The following NUP155 variants were observed in gnomAD, a reference collection of about 807,000 sequenced individuals.
NUP155 encodes nuclear pore complex protein Nup155.
NUP155 carries 71 observed loss-of-function variants against 180.4 expected under a neutral mutation model. The ratio of observed to expected loss-of-function variants is 0.39; its 90% CI spans 0.33 to 0.48. The LOEUF (loss-of-function observed/expected upper bound fraction) is 0.48. Among genes scored for constraint, NUP155 ranks in the 20% least tolerant of loss-of-function variants. The pLI, the probability that NUP155 is intolerant of heterozygous loss-of-function variation, is 0.91. For missense variants in NUP155, 1,553 were observed against 1,648.9 expected (o/e 0.94, Z 1.01); for synonymous variants, 582 against 559.5 (o/e 1.04, Z -0.57).
At chr5:37,304,643 T>G (rs1323175563) in intron 27 of NUP155, 96 bp downstream of exon 27, 2 of 876,428 alleles carry the variant, frequency 2.3e-6, no homozygotes, top group Non-Finnish European at 3.8e-6. Context: ...AGGCATGGGA[T>G]GAGAAACTGA....
chr5:37,340,139 T>C (rs944293808), intron 11 of NUP155, among the ~76,000 whole-genome samples: 1 of 152,038 alleles, frequency 6.6e-6, no homozygotes, highest in East Asian at 1.9e-4. Context: ...AGAGCCAAAA[T>C]CATCTTTTAA....
At position 37,309,585 on chromosome 5, in the gene NUP155, A is replaced by T. The variant is rs576802726; in HGVS notation, c.2629-318T>A. The T allele has an allele frequency of 5.2e-5, 13 of 250,050 alleles. No homozygotes were observed. In the East Asian group the frequency reaches 1.1e-3, roughly 22 times the overall value. The allele number at this position is 250,050 out of a possible 1,614,324, so 15.5% of individuals were successfully genotyped here. On this transcript the variant is annotated intron_variant, in intron 23 of 34. Transcript: ENST00000231498. The stretch of plus-strand genomic sequence containing the variant: ...TTATTTTTTCCACCTGTAGGAAAGG[A>T]TCAATAAAAATGCCCCCATTAACTC...
intron 25 of NUP155, among the ~76,000 whole-genome samples, chr5:37,306,792 CT>C (rs997679238): frequency 3.3e-5 from 5 of 151,190 alleles, no homozygotes; most frequent in African/African-American, 1.2e-4. Context: ...CACACATTTC[CT>C]TTTTAACAGT....
intron 33 of NUP155, among the ~76,000 whole-genome samples, chr5:37,294,026 A>AAAT (rs1742384002): frequency 1.3e-5 from 1 of 76,068 alleles, no homozygotes; most frequent in Non-Finnish European, 2.1e-5. Flanking sequence ...AAAAAAAAAA[A>AAAT]AATAAAGCAA....
At chr5:37,321,309 G>C (rs751058947) in intron 20 of NUP155, among the ~76,000 whole-genome samples, 2 of 152,174 alleles carry the variant, frequency 1.3e-5, no homozygotes, top group Non-Finnish European at 2.9e-5. Context: ...TTGCACCACT[G>C]CATTGCAGCC....
intron 11 of NUP155, among the ~76,000 whole-genome samples, chr5:37,338,545 T>A (rs1430740743): frequency 1.3e-5 from 2 of 151,696 alleles, no homozygotes; most frequent in Non-Finnish European, 2.9e-5. Flanking sequence ...TAGCTGGGAC[T>A]ACGGCACCTG....
intron 5 of NUP155, among the ~76,000 whole-genome samples, 185 bp downstream of exon 5, chr5:37,352,552 A>C (rs1746535919): frequency 6.6e-6 from 1 of 152,132 alleles, no homozygotes; most frequent in South Asian, 2.1e-4. Context: ...AAACAAAACA[A>C]AACAAAACAA....
intron 9 of NUP155, among the ~76,000 whole-genome samples, chr5:37,343,582 C>T (rs1745883122): frequency 6.6e-6 from 1 of 152,062 alleles, no homozygotes; most frequent in African/African-American, 2.4e-5. Flanking sequence ...GTCAAAGTAT[C>T]ATTACTGCTA....
At chr5:37,339,966 T>C (rs217785) in intron 11 of NUP155, among the ~76,000 whole-genome samples, 4,367 of 152,264 alleles carry the variant, frequency 0.029, 222 homozygotes, top group African/African-American at 0.099. Flanking sequence ...TTCGCCATGT[T>C]GGCCAGGCTG....
Position 37,290,478 on chromosome 5 carries a change from C to CA in NUP155, c.*1421dup, listed in dbSNP as rs35405189. 0.061 allele frequency: 7,595 copies of CA among 124,222 alleles called. 249 individuals carry two copies. Among genetic ancestry groups the CA allele is most frequent in the African/African-American group, 0.11 (3,768 of 34,956 alleles). The allele number at this position is 124,222 out of a possible 1,614,324, so 7.7% of individuals were successfully genotyped here. A position where few individuals can be genotyped will look rare whatever the true frequency, so the allele number is the denominator to read the frequency against. ...GGGCTACAGGGTGAGATTCTGTCTC[C>CA]AAAAAAAAAAAAAAGAGAGAAAGGA... On this transcript the variant is annotated 3_prime_UTR_variant, in exon 35 of 35. Transcript: ENST00000231498.
In NUP155 at chr5:37,352,738, T is replaced by C. The variant is rs751841247; in HGVS notation, c.555A>G (p.Thr185=). The C allele has an allele frequency of 6.2e-7, 1 of 1,608,818 alleles. No homozygotes were observed. Among genetic ancestry groups the C allele is most frequent in the Non-Finnish European group, 8.5e-7 (1 of 1,175,296 alleles). ...ILGLSYANLQ[T]GSGVLNDSLS... ...ACGTTAACATGTGGGTTGCCATACC[T>C]GTTTGCAAATTAGCATAGCTGAGTC... Residue 185 remains threonine, a splice_region_variant and synonymous_variant, in exon 5 of 35, where the codon ACA becomes ACG. Coordinates refer to ENST00000231498, the MANE Select transcript of NUP155 (RefSeq NM_153485.3).
At chr5:37,328,021 G>A (rs1744716711) in intron 17 of NUP155, among the ~76,000 whole-genome samples, 1 of 152,146 alleles carries the variant, frequency 6.6e-6, no homozygotes, top group African/African-American at 2.4e-5. Flanking sequence ...CTCCCAGATA[G>A]ACTTGCAAGT....
chr5:37,293,971 A>C lies in NUP155; in HGVS notation c.3930+358T>G, dbSNP rs1742369931. ...CCGAGATTGCGCCACTGCAGTCCGCAGTCCGGCCTGGGCAACAGAGCGAGA... is the reference window on the plus strand; with the variant it reads ...CCGAGATTGCGCCACTGCAGTCCGCCGTCCGGCCTGGGCAACAGAGCGAGA... On this transcript the variant is annotated intron_variant, in intron 33 of 34. Coordinates refer to ENST00000231498, the MANE Select transcript of NUP155 (RefSeq NM_153485.3). 3.1e-5 allele frequency among the ~76,000 whole-genome samples: 4 copies of C among 128,840 alleles called. 2 individuals are homozygous for C. Among genetic ancestry groups the C allele is most frequent in the African/African-American group, 1.3e-4 (4 of 29,940 alleles). The allele number at this position is 128,840 out of a possible 152,430, so 84.5% of individuals were successfully genotyped here.
chr5:37,349,346 G>C (rs918900546), intron 7 of NUP155, 101 bp from the exon 8 acceptor site: 2 of 410,248 alleles, frequency 4.9e-6, no homozygotes, highest in South Asian at 3.0e-5. Context: ...TCAGAACTTT[G>C]TATTCAGGGG....
chr5:37,344,578 T>C (rs1353239751), intron 9 of NUP155, among the ~76,000 whole-genome samples: 1 of 150,364 alleles, frequency 6.7e-6, no homozygotes, highest in Non-Finnish European at 1.5e-5. Context: ...CTGATATAAC[T>C]GGAGAAAAAT....
chr5:37,319,015 C>T (rs926773527), intron 20 of NUP155, among the ~76,000 whole-genome samples: 1 of 152,108 alleles, frequency 6.6e-6, no homozygotes, highest in Non-Finnish European at 1.5e-5. Flanking sequence ...GCAATAAAAA[C>T]GAACAAAGCA....
chr5:37,316,211 A>G (rs1743874052), intron 21 of NUP155, among the ~76,000 whole-genome samples: 1 of 152,228 alleles, frequency 6.6e-6, no homozygotes, highest in Non-Finnish European at 1.5e-5. Flanking sequence ...ATGTGCACAT[A>G]TGCACATATA....
intron 3 of NUP155, among the ~76,000 whole-genome samples, chr5:37,361,511 C>T (rs777112495): frequency 2.0e-5 from 3 of 152,224 alleles, no homozygotes; most frequent in South Asian, 2.1e-4. Context: ...GCAACTTATG[C>T]GGACTAGGAT....
At position 37,298,900 on chromosome 5, in the gene NUP155, A is replaced by G; in HGVS notation, c.3761T>C (p.Ile1254Thr). The change falls in exon 32 of 35, where the codon ATT becomes ACT. Residue 1254 changes from isoleucine to threonine, a missense_variant. Ile to Thr is a moderately conservative substitution (Grantham distance 89, BLOSUM62 -1). Transcript: ENST00000231498. ...LSLKIVLLGKIYAGTPRFFPL... is the reference protein window; with the variant it reads ...LSLKIVLLGKTYAGTPRFFPL... The stretch of plus-strand genomic sequence containing the variant: ...AAAGAAGCGTGGTGTGCCAGCATAA[A>G]TTTTGCCAAGGAGAACAATCTTGAG... 1 of 1,612,218 alleles carries G rather than the reference A, an allele frequency of 6.2e-7. No individual in the cohort carries two copies. Among genetic ancestry groups the G allele is most frequent in the Non-Finnish European group, 8.5e-7 (1 of 1,178,272 alleles).
Sources: allele counts gnomAD v4.1 joint callset (sites outside exome capture counted in the v4.1 genomes callset), GRCh38; gene constraint gnomAD v4.1.1; transcripts MANE v1.5; gene names NCBI Gene and HGNC (gene_info 2026-07-23, HGNC 2026-07-21).